LIPC: variants seen among roughly 807,000 people sequenced by gnomAD.
The protein encoded by LIPC is hepatic triacylglycerol lipase.
In LIPC, 44 loss-of-function variants were observed where a neutral mutation model predicts 50.7. The ratio of observed to expected loss-of-function variants is 0.87; its 90% CI spans 0.68 to 1.11. LIPC has a LOEUF of 1.11. Ranked by LOEUF, LIPC falls within the 50% of genes most tolerant of loss-of-function variation. LIPC has a pLI of 0.00. For synonymous variants in LIPC, 271 were observed against 256.4 expected, an observed-to-expected ratio of 1.06 and a Z score of -0.54; for missense variants, 697 against 648.2, an observed-to-expected ratio of 1.08 and a Z score of -0.82.
chr15:58,516,702 C>A (rs1892499264), intron 1 of LIPC, among the ~76,000 whole-genome samples: 1 of 152,150 alleles, frequency 6.6e-6, no homozygotes. Context: ...CATATTTCTT[C>A]TTAGCATGCT....
chr15:58,541,860 G>T lies in LIPC; in HGVS notation c.349G>T (p.Val117Leu). Residue 117 changes from valine to leucine, a missense_variant, in exon 3 of 9, where the codon GTG (valine) becomes TTG (leucine). Coordinates refer to ENST00000299022, the MANE Select transcript of LIPC (RefSeq NM_000236.3). The stretch of plus-strand genomic sequence containing the variant: ...GTCTCAGCCGGCCCAGCCAGTGAAC[G>T]TGGGGCTGGTGGACTGGATCACCCT... Reference protein sequence around the residue: ...LKSQPAQPVNVGLVDWITLAH... With the variant: ...LKSQPAQPVNLGLVDWITLAH... The T allele has an allele frequency of 1.9e-6, 3 of 1,612,904 alleles. No individual in the cohort carries two copies. The highest frequency in any genetic ancestry group is 2.5e-6 in the Non-Finnish European group (3 of 1,179,978).
At chr15:58,481,817 A>C (rs187403936) in intron 1 of LIPC, among the ~76,000 whole-genome samples, 4 of 152,346 alleles carry the variant, frequency 2.6e-5, no homozygotes, top group Non-Finnish European at 5.9e-5. Context: ...TAGATAGAAT[A>C]AAGTAGAAAT....
chr15:58,476,702 G>A (rs745477522), intron 1 of LIPC, among the ~76,000 whole-genome samples: 1 of 152,212 alleles, frequency 6.6e-6, no homozygotes, highest in Non-Finnish European at 1.5e-5. Flanking sequence ...GACTCTGCCA[G>A]GTGCTAGCTC....
chr15:58,547,456 C>T (rs921305159), intron 5 of LIPC, among the ~76,000 whole-genome samples: 10 of 152,114 alleles, frequency 6.6e-5, no homozygotes, highest in Admixed American at 2.0e-4. Context: ...CAGCCGCTAG[C>T]GTCCAAGGAC....
At chr15:58,498,166 T>C (rs1891840697) in intron 1 of LIPC, among the ~76,000 whole-genome samples, 1 of 152,148 alleles carries the variant, frequency 6.6e-6, no homozygotes. Context: ...AGGCGAGCTT[T>C]CCTAATTCTT....
At chr15:58,459,750 G>A (rs1334026503) in intron 1 of LIPC, among the ~76,000 whole-genome samples, 3 of 152,214 alleles carry the variant, frequency 2.0e-5, no homozygotes, top group East Asian at 1.9e-4. Context: ...ATCCACACCC[G>A]TCCCCAAGGA....
chr15:58,437,116 T>C (rs1174722731), intron 1 of LIPC, among the ~76,000 whole-genome samples: 1 of 152,118 alleles, frequency 6.6e-6, no homozygotes, highest in Non-Finnish European at 1.5e-5. Context: ...GCAATAATGA[T>C]GAAGTTCAGA....
rs1213657368 is a variant in LIPC at position 58,542,560 on chromosome 15, T to C, written c.483T>C (p.His161=). The change falls in exon 4 of 9, where the codon CAT becomes CAC. Residue 161 remains histidine, a synonymous_variant. Coordinates refer to ENST00000299022, the MANE Select transcript of LIPC (RefSeq NM_000236.3). The stretch of plus-strand genomic sequence containing the variant: ...AATCTGTGCAACTCTCTCGAAGCCA[T>C]GTTCACCTAATTGGGTACAGCCTGG... ...LEESVQLSRS[H]VHLIGYSLGA... 2 of 1,613,596 alleles carry C rather than the reference T, an allele frequency of 1.2e-6. No individual in the cohort carries two copies. The highest frequency in any genetic ancestry group is 4.5e-5 in the East Asian group (2 of 44,862).
At chr15:58,536,890 C>G (rs1157085568) in intron 1 of LIPC, among the ~76,000 whole-genome samples, 1 of 152,200 alleles carries the variant, frequency 6.6e-6, no homozygotes, top group Non-Finnish European at 1.5e-5. Context: ...TTAACACCTC[C>G]CCTTGCACTT....
chr15:58,466,734 G>A (rs1402358116), intron 1 of LIPC, among the ~76,000 whole-genome samples: 2 of 152,146 alleles, frequency 1.3e-5, no homozygotes, highest in African/African-American at 2.4e-5. Flanking sequence ...CCATTCATAT[G>A]ACCCCATAAG....
intron 1 of LIPC, among the ~76,000 whole-genome samples, chr15:58,520,823 A>G (rs547680426): frequency 1.3e-5 from 2 of 152,312 alleles, no homozygotes; most frequent in Middle Eastern, 3.4e-3. Flanking sequence ...CATAACTCCT[A>G]TTAATATCAC....
chr15:58,479,314 G>A (rs959708614), intron 1 of LIPC, among the ~76,000 whole-genome samples: 3 of 152,234 alleles, frequency 2.0e-5, no homozygotes, highest in Non-Finnish European at 4.4e-5. Context: ...GTAATGTTGT[G>A]ACTGTCATTT....
rs1341793523 is a variant in LIPC at position 58,545,955 on chromosome 15, T to C, written c.788T>C (p.Ile263Thr). 4 of 1,613,558 alleles carry C rather than the reference T, an allele frequency of 2.5e-6. No individual in the cohort carries two copies. The highest frequency in any genetic ancestry group is 2.5e-6 in the Non-Finnish European group (3 of 1,179,574). Reference sequence around the variant, plus strand: ...CACTTCCTAGAGCTCTACAGACATATTGCCCAGCACGGCTTCAATGGTGAG... The same window carrying C: ...CACTTCCTAGAGCTCTACAGACATACTGCCCAGCACGGCTTCAATGGTGAG... ...GCHFLELYRH[I>T]AQHGFNAITQ... Residue 263 changes from isoleucine (I) to threonine (T), a missense_variant, in exon 5 of 9, where the codon ATT (isoleucine) becomes ACT (threonine). Ile to Thr is a moderately conservative substitution (Grantham distance 89). Transcript: ENST00000299022.
chr15:58,496,743 C>CAAAAAAACAAAAAAAAAAAAAAAAAAAAA (rs1891778563), intron 1 of LIPC, among the ~76,000 whole-genome samples: 1 of 114,180 alleles, frequency 8.8e-6, no homozygotes. Flanking sequence ...TCTTCCCCCT[C>CAAAAAAACAAAAAAAAAAAAAAAAAAAAA]AAAAAAAAAA....
At chr15:58,544,113 G>A (rs907841926) in intron 4 of LIPC, among the ~76,000 whole-genome samples, 4 of 152,140 alleles carry the variant, frequency 2.6e-5, no homozygotes, top group East Asian at 3.9e-4. Context: ...ACAGACCGGC[G>A]TGTGGCCCCC....
intron 1 of LIPC, among the ~76,000 whole-genome samples, chr15:58,534,137 G>T (rs1213080650): frequency 6.6e-6 from 1 of 152,234 alleles, no homozygotes; most frequent in African/African-American, 2.4e-5. Flanking sequence ...AAGAAAGGAA[G>T]AAGAATGGGT....
intron 1 of LIPC, among the ~76,000 whole-genome samples, chr15:58,443,334 C>T (rs1295193154): frequency 2.6e-5 from 4 of 152,204 alleles, no homozygotes; most frequent in Non-Finnish European, 1.5e-5. Context: ...GGAGCAGCCT[C>T]AGTGGCCCAA....
At chr15:58,547,654 A>C (rs1490890304) in intron 5 of LIPC, among the ~76,000 whole-genome samples, 3 of 145,668 alleles carry the variant, frequency 2.1e-5, no homozygotes, top group Non-Finnish European at 4.5e-5. Context: ...AAAAAGGTCA[A>C]ATCCTTAGTA....
intron 6 of LIPC, among the ~76,000 whole-genome samples, chr15:58,557,528 G>A (rs1463537744): frequency 6.6e-6 from 1 of 151,822 alleles, no homozygotes; most frequent in South Asian, 2.1e-4. Flanking sequence ...GAGACTACAG[G>A]CACCCACCAC....
Sources: allele counts gnomAD v4.1 joint callset (sites outside exome capture counted in the v4.1 genomes callset), GRCh38; gene constraint gnomAD v4.1.1; transcripts MANE v1.5; gene names NCBI Gene and HGNC (gene_info 2026-07-23, HGNC 2026-07-21).